The following HYLS1 variants were observed in gnomAD, a reference collection of about 807,000 sequenced individuals.
The protein encoded by HYLS1 is centriolar and ciliogenesis-associated protein HYLS1.
HYLS1 carries 25 observed loss-of-function variants against 29.4 expected under a neutral mutation model. That is an observed-to-expected ratio of 0.85 (90% CI 0.62 to 1.19). HYLS1 has a LOEUF of 1.19. HYLS1 is among the 50% of genes most tolerant of loss of function. The pLI, the probability that HYLS1 is intolerant of heterozygous loss-of-function variation, is 0.00. For missense variants in HYLS1, 352 were observed against 365.1 expected (o/e 0.96, Z 0.29); for synonymous variants, 128 against 126.7 (o/e 1.01, Z -0.07).
At chr11:125,894,795 C>T (rs1026840641) in intron 2 of HYLS1, among the ~76,000 whole-genome samples, 1 of 152,062 alleles carries the variant, frequency 6.6e-6, no homozygotes, top group Admixed American at 6.5e-5. Flanking sequence ...TTAATTTTAC[C>T]ACATCCTAAC....
upstream of HYLS1, chr11:125,887,499 G>A (rs1450388801): frequency 6.6e-6 from 1 of 152,322 alleles, no homozygotes; most frequent in East Asian, 1.9e-4. Flanking sequence ...GCTCCCGCCG[G>A]CGGAGAAGGC....
At chr11:125,893,490 G>T in intron 2 of HYLS1, 1 of 237,256 alleles carries the variant, frequency 4.2e-6, no homozygotes, top group Non-Finnish European at 8.0e-6. Flanking sequence ...TCAGATACTT[G>T]CAGGATTAGG....
chr11:125,885,757 A>G (rs1303846767), upstream of HYLS1, among the ~76,000 whole-genome samples: 1 of 152,258 alleles, frequency 6.6e-6, no homozygotes, highest in Non-Finnish European at 1.5e-5. Flanking sequence ...CTGTTTCTAC[A>G]GCCACTCCCC....
Position 125,895,998 on chromosome 11 carries a change from G to A in HYLS1, c.-25-3346G>A, listed in dbSNP as rs1944574216. On this transcript the variant is annotated intron_variant, in intron 2 of 2. Coordinates refer to ENST00000425380, the MANE Select transcript of HYLS1 (RefSeq NM_001134793.2). ...TTCTACTAGTCGAGTCTTGGTTAGA[G>A]CTTCAAACAGTTTCTCTTCAATGGT... The A allele has an allele frequency of 3.7e-6, 6 of 1,614,158 alleles. No individual in the cohort carries two copies. The highest frequency in any genetic ancestry group is 1.6e-4 in the Middle Eastern group (1 of 6,062).
At position 125,900,571 on chromosome 11, in the gene HYLS1, G is replaced by A. The variant is rs372968287; in HGVS notation, c.*303G>A. The A allele has an allele frequency of 2.1e-5, 8 of 383,146 alleles. No homozygotes were observed. In the East Asian group the frequency reaches 4.6e-4, roughly 22 times the overall value. The allele number at this position is 383,146 out of a possible 1,614,324, so 23.7% of individuals were successfully genotyped here. On this transcript the variant is annotated 3_prime_UTR_variant, in exon 3 of 3. Transcript: ENST00000425380. Reference sequence around the variant, plus strand: ...TGTAACTTTTTTTACCTATCAATATGAGTTGCTGTGCTTCAGTGTGTGTTT... The same window carrying A: ...TGTAACTTTTTTTACCTATCAATATAAGTTGCTGTGCTTCAGTGTGTGTTT...
rs1944710006 is a variant in HYLS1, at chr11:125,899,874, T to C, written c.506T>C (p.Ile169Thr). ...EYQGISQDQL[I>T]CSLQREGMGS... ...CAAGGAATTTCTCAAGATCAGCTCA[T>C]TTGCTCTCTACAAAGAGAAGGAATG... Residue 169 changes from isoleucine to threonine, a missense_variant, in exon 3 of 3, where the codon ATT becomes ACT. Transcript: ENST00000425380. 5 of 1,614,092 alleles carry C rather than the reference T, an allele frequency of 3.1e-6. No individual in the cohort carries two copies. The highest frequency in any genetic ancestry group is 4.2e-6 in the Non-Finnish European group (5 of 1,180,048).
intron 2 of HYLS1, chr11:125,895,438 C>G: frequency 6.2e-7 from 1 of 1,613,994 alleles, no homozygotes; most frequent in South Asian, 1.1e-5. Context: ...TGTACTTGAG[C>G]AGATAGAATA....
In HYLS1 at chr11:125,895,717, C is replaced by G. The variant is rs759530579; in HGVS notation, c.-25-3627C>G. Reference sequence around the variant, plus strand: ...CGGATCTCTTCAGCAGCAGCATTAGCCTCCTCTTTTACATTAAAGTCCTCG... The same window carrying G: ...CGGATCTCTTCAGCAGCAGCATTAGGCTCCTCTTTTACATTAAAGTCCTCG... On this transcript the variant is annotated intron_variant, in intron 2 of 2. Coordinates refer to ENST00000425380, the MANE Select transcript of HYLS1 (RefSeq NM_001134793.2). 1.9e-5 allele frequency: 31 copies of G among 1,613,518 alleles called. No homozygotes were observed. The highest frequency in any genetic ancestry group is 2.5e-5 in the Non-Finnish European group (29 of 1,179,954).
At position 125,887,750 on chromosome 11, in the gene HYLS1, G is replaced by C. The variant is rs1944332116; in HGVS notation, c.-91G>C. 1 of 152,318 alleles carries C rather than the reference G, an allele frequency of 6.6e-6. No individual in the cohort carries two copies. Among genetic ancestry groups the C allele is most frequent in the Non-Finnish European group, 1.5e-5 (1 of 68,078 alleles). 9.4% of individuals were successfully genotyped at this position (152,318 alleles called of 1,614,324 possible). A position where few individuals can be genotyped will look rare whatever the true frequency, so the allele number is the denominator to read the frequency against. On this transcript the variant is annotated 5_prime_UTR_variant, in exon 1 of 3. Transcript: ENST00000425380. Reference sequence around the variant, plus strand: ...CTGGCAGGACGCGGTGCAGAGAGCGGACTTCCGCGACGCGGGTAAGCCGGG... The same window carrying C: ...CTGGCAGGACGCGGTGCAGAGAGCGCACTTCCGCGACGCGGGTAAGCCGGG...
In HYLS1 at chr11:125,900,215, C is replaced by A. The variant is rs1341476195; in HGVS notation, c.847C>A (p.Leu283Ile). Reference protein sequence around the residue: ...SALRWGVRCDLANGVIPRKLP... With the variant: ...SALRWGVRCDIANGVIPRKLP... ...ACTCCGTTGGGGTGTTCGTTGTGAC[C>A]TTGCAAATGGTGTCATACCCAGGAA... The change falls in exon 3 of 3, where the codon CTT (leucine) becomes ATT (isoleucine). Residue 283 changes from leucine to isoleucine, a missense_variant. Transcript: ENST00000425380. 14 of 1,614,082 alleles carry A rather than the reference C, an allele frequency of 8.7e-6. No homozygotes were observed. Among genetic ancestry groups the A allele is most frequent in the Non-Finnish European group, 1.2e-5 (14 of 1,180,042 alleles).
chr11:125,893,462 A>G (rs1260291723), intron 2 of HYLS1: 2 of 197,856 alleles, frequency 1.0e-5, no homozygotes. Context: ...TCTGCTTTGG[A>G]GAGAAAAACA....
chr11:125,896,862 C>T (rs534323616), intron 2 of HYLS1, among the ~76,000 whole-genome samples: 2 of 152,070 alleles, frequency 1.3e-5, no homozygotes, highest in Admixed American at 1.3e-4. Context: ...AGAAGCTTAC[C>T]GATGGTTGTA....
chr11:125,892,020 T>G (rs1248191190), intron 2 of HYLS1, among the ~76,000 whole-genome samples: 1 of 152,182 alleles, frequency 6.6e-6, no homozygotes, highest in Non-Finnish European at 1.5e-5. Context: ...ATACCTGAAG[T>G]CTTGAACATG....
chr11:125,887,465 G>A (rs570301283), upstream of HYLS1: 3 of 152,426 alleles, frequency 2.0e-5, no homozygotes, highest in Admixed American at 2.0e-4. Context: ...ATATTTTTAA[G>A]GCCACATTGG....
chr11:125,897,166 C>T (rs1310141653), intron 2 of HYLS1, among the ~76,000 whole-genome samples: 2 of 152,018 alleles, frequency 1.3e-5, no homozygotes, highest in African/African-American at 2.4e-5. Flanking sequence ...TAGAGAAGAC[C>T]ATCTCCACAT....
chr11:125,896,188 C>T, intron 2 of HYLS1: 1 of 1,614,122 alleles, frequency 6.2e-7, no homozygotes, highest in East Asian at 2.2e-5. Context: ...TTATTTTTGG[C>T]CTGTTCCTTT....
rs1944730439 is a variant in HYLS1 at position 125,900,282 on chromosome 11, T to A, written c.*14T>A. 6.2e-7 allele frequency: 1 copy of A among 1,612,818 alleles called. No homozygotes were observed. Among genetic ancestry groups the A allele is most frequent in the Non-Finnish European group, 8.5e-7 (1 of 1,178,888 alleles). On this transcript the variant is annotated 3_prime_UTR_variant, in exon 3 of 3. Coordinates refer to ENST00000425380, the MANE Select transcript of HYLS1 (RefSeq NM_001134793.2). ...TCTCCTTCTTAAATCTTTTTAAACT[T>A]CTTTCACAGGATTGTTTGAGATAAC...
At chr11:125,884,375 C>A (rs558925426), upstream of HYLS1, among the ~76,000 whole-genome samples, 6 of 146,062 alleles carry the variant, frequency 4.1e-5, no homozygotes, top group Admixed American at 2.0e-4. Context: ...TTTGGGAGGC[C>A]GAGGTGGGCG....
In HYLS1 at chr11:125,899,692, A is replaced by T; in HGVS notation, c.324A>T (p.Leu108Phe). Residue 108 changes from leucine (L) to phenylalanine (F), a missense_variant, in exon 3 of 3, where the codon TTA (leucine) becomes TTT (phenylalanine). By Grantham distance (22) the Leu-to-Phe change is conservative. Coordinates refer to ENST00000425380, the MANE Select transcript of HYLS1 (RefSeq NM_001134793.2). ...VLRRKPDGEV[L>F]VTDESIISES... The stretch of plus-strand genomic sequence containing the variant: ...GCAGAAAGCCAGATGGGGAAGTATT[A>T]GTAACAGATGAGTCGATTATCAGTG... 1.2e-6 allele frequency: 2 copies of T among 1,614,228 alleles called. No homozygotes were observed. Among genetic ancestry groups the T allele is most frequent in the Non-Finnish European group, 1.7e-6 (2 of 1,180,028 alleles).
Sources: allele counts gnomAD v4.1 joint callset (sites outside exome capture counted in the v4.1 genomes callset), GRCh38; gene constraint gnomAD v4.1.1; transcripts MANE v1.5; gene names NCBI Gene and HGNC (gene_info 2026-07-23, HGNC 2026-07-21).